The following DRGX variants were observed in gnomAD, a reference collection of about 807,000 sequenced individuals.
DRGX encodes the protein dorsal root ganglia homeobox protein.
In DRGX, 21 loss-of-function variants were observed where a neutral mutation model predicts 28.6. The ratio of observed to expected loss-of-function variants is 0.73; its 90% CI spans 0.52 to 1.06. DRGX has a LOEUF of 1.06. DRGX is among the 50% of genes least tolerant of loss of function. The probability of loss-of-function intolerance (pLI) is 0.00; values close to 1 mark genes in which losing one functional copy is unlikely to be tolerated. For missense variants in DRGX, 354 were observed against 343.9 expected (o/e 1.03, Z -0.23); for synonymous variants, 136 against 139.1 (o/e 0.98, Z 0.16).
intron 2 of DRGX, among the ~76,000 whole-genome samples, chr10:49,392,800 A>T (rs1849924510): frequency 6.6e-6 from 1 of 152,262 alleles, no homozygotes; most frequent in African/African-American, 2.4e-5. Context: ...TTACTTAAAA[A>T]TAAGTAGAAT....
intron 6 of DRGX, among the ~76,000 whole-genome samples, chr10:49,377,450 G>A (rs1473803277): frequency 2.0e-5 from 3 of 152,228 alleles, no homozygotes; most frequent in Non-Finnish European, 4.4e-5. Flanking sequence ...TCACACCCAC[G>A]TGCAGTCCCC....
chr10:49,378,201 T>C (rs1849736110), intron 6 of DRGX, among the ~76,000 whole-genome samples: 1 of 152,032 alleles, frequency 6.6e-6, no homozygotes, highest in South Asian at 2.1e-4. Context: ...AAGATAAAAT[T>C]CTTAGAAAAC....
chr10:49,395,704 G>C (rs1480105900), intron 1 of DRGX, among the ~76,000 whole-genome samples, 183 bp from the exon 2 acceptor site: 2 of 152,316 alleles, frequency 1.3e-5, no homozygotes, highest in East Asian at 3.9e-4. Context: ...AGTCCTTCGG[G>C]TGTGTCCACC....
chr10:49,390,299 A>G, intron 3 of DRGX, 65 bp from the exon 4 acceptor site: 1 of 1,374,862 alleles, frequency 7.3e-7, no homozygotes, highest in Non-Finnish European at 1.0e-6. Flanking sequence ...GCAGATGCAT[A>G]TTTCAAATCT....
At chr10:49,390,460 A>C (rs900172860) in intron 3 of DRGX, among the ~76,000 whole-genome samples, 4 of 152,234 alleles carry the variant, frequency 2.6e-5, no homozygotes, top group African/African-American at 9.6e-5. Flanking sequence ...TCTGGCAAGA[A>C]GTAGAAATAA....
chr10:49,393,313 T>A (rs1849930163), intron 2 of DRGX, among the ~76,000 whole-genome samples: 1 of 152,186 alleles, frequency 6.6e-6, no homozygotes, highest in Non-Finnish European at 1.5e-5. Context: ...TCAGTGCAAA[T>A]AAGGCAAAAC....
rs1384783835 is a variant in DRGX at position 49,386,562 on chromosome 10, G to T, written c.442C>A (p.Pro148Thr). ...CCCGGCAAGCAGGAGGGGAAGAAAG[G>T]CCCTGCAGGACCTACCGTTCGCCCC... ...SLGRTVGPAG[P>T]FFPSCLPGTL... The change falls in exon 6 of 7, where the codon CCT becomes ACT. Residue 148 changes from proline (P) to threonine (T), a missense_variant. Physicochemically the swap from Pro to Thr is conservative, Grantham distance 38 (BLOSUM62 -1). Coordinates refer to ENST00000374139, the MANE Select transcript of DRGX (RefSeq NM_001276451.2). 6.3e-7 allele frequency: 1 copy of T among 1,591,120 alleles called. No homozygotes were observed. The highest frequency in any genetic ancestry group is 8.6e-7 in the Non-Finnish European group (1 of 1,168,740).
At position 49,386,489 on chromosome 10, in the gene DRGX, G is replaced by A. The variant is rs1849837877; in HGVS notation, c.515C>T (p.Ala172Val). The A allele has an allele frequency of 3.8e-6, 6 of 1,572,398 alleles. No homozygotes were observed. The highest frequency in any genetic ancestry group is 4.3e-6 in the Non-Finnish European group (5 of 1,159,976). The part of the protein sequence containing the change: ...ATYAQALSHV[A>V]SLKGGPLCSC... ...GAACCCAAACTCACCTTTGAGGGAA[G>A]CCACATGGGACAAGGCCTGGGCGTA... Residue 172 changes from alanine (A) to valine (V), a missense_variant, in exon 6 of 7, where the codon GCT becomes GTT. Physicochemically the swap from Ala to Val is moderately conservative, Grantham distance 64 (BLOSUM62 0). Transcript: ENST00000374139.
At position 49,390,200 on chromosome 10, in the gene DRGX, T is replaced by G. The variant is rs1269677181; in HGVS notation, c.167A>C (p.His56Pro). ...TTCTCTGGTGAAGACATCTGGATAG[T>G]GTGTTTGGGCAAAAACGGCCTCGAG... ...EALEAVFAQT[H>P]YPDVFTREEL... Residue 56 changes from histidine to proline, a missense_variant, in exon 4 of 7, where the codon CAC (histidine) becomes CCC (proline). By Grantham distance (77) the His-to-Pro change is moderately conservative. Coordinates refer to ENST00000374139, the MANE Select transcript of DRGX (RefSeq NM_001276451.2). 6.2e-7 allele frequency: 1 copy of G among 1,612,778 alleles called. No individual in the cohort carries two copies. Among genetic ancestry groups the G allele is most frequent in the Non-Finnish European group, 8.5e-7 (1 of 1,179,430 alleles).
chr10:49,382,977 G>T (rs955510937), intron 6 of DRGX, among the ~76,000 whole-genome samples: 1 of 152,132 alleles, frequency 6.6e-6, no homozygotes, highest in Non-Finnish European at 1.5e-5. Flanking sequence ...TGACTATGCC[G>T]CAAGCACACA....
chr10:49,365,855 TCA>T lies in DRGX; in HGVS notation c.*259_*260del, dbSNP rs1849592024. The stretch of plus-strand genomic sequence containing the variant: ...TGGATGGAAATCCCAGGGAGGCTCC[TCA>T]CAGAGAGGGCTCTGCTGCCACCAAG... On this transcript the variant is annotated 3_prime_UTR_variant, in exon 7 of 7. Coordinates refer to ENST00000374139, the MANE Select transcript of DRGX (RefSeq NM_001276451.2). 1 of 358,176 alleles carries T rather than the reference TCA, an allele frequency of 2.8e-6. No homozygotes were observed. Among genetic ancestry groups the T allele is most frequent in the African/African-American group, 2.1e-5 (1 of 47,658 alleles). The allele number at this position is 358,176 out of a possible 1,614,324, so 22.2% of individuals were successfully genotyped here.
chr10:49,395,529 G>A lies in DRGX; in HGVS notation c.-81-8C>T. 4 of 1,445,728 alleles carry A rather than the reference G, an allele frequency of 2.8e-6. No individual in the cohort carries two copies. Among genetic ancestry groups the A allele is most frequent in the South Asian group, 1.2e-5 (1 of 82,068 alleles). The allele number at this position is 1,445,728 out of a possible 1,614,324, so 89.6% of individuals were successfully genotyped here. The stretch of plus-strand genomic sequence containing the variant: ...CGCGTTGCTCCTGCCTGGCTGCAAA[G>A]CAAACAGCGATAGAGCTTCAAGTCT... On this transcript the variant is annotated splice_region_variant and splice_polypyrimidine_tract_variant and intron_variant, in intron 1 of 6. Coordinates refer to ENST00000374139, the MANE Select transcript of DRGX (RefSeq NM_001276451.2).
rs1238824690 is a variant in DRGX at position 49,391,189 on chromosome 10, T to C, written c.107A>G (p.Asn36Ser). The C allele has an allele frequency of 6.2e-7, 1 of 1,613,342 alleles. No homozygotes were observed. Among genetic ancestry groups the C allele is most frequent in the Admixed American group, 1.7e-5 (1 of 59,962 alleles). The change falls in exon 3 of 7, where the codon AAC (asparagine) becomes AGC (serine). Residue 36 changes from asparagine to serine, a missense_variant. By Grantham distance (46) the Asn-to-Ser change is conservative (BLOSUM62 1). Transcript: ENST00000374139. The stretch of plus-strand genomic sequence containing the variant: ...CTGCTGAAGAGTGAACGTCGTCCGG[T>C]TCCGGCGCTGTTTTCTACGCAGAAA... ...DGFLRRKQRR[N>S]RTTFTLQQLE...
Position 49,386,566 on chromosome 10 carries a change from T to C in DRGX, c.438A>G (p.Ala146=). The change falls in exon 6 of 7, where the codon GCA becomes GCG. Residue 146 remains alanine, a synonymous_variant. Transcript: ENST00000374139. The part of the protein sequence containing the change: ...QQSLGRTVGP[A]GPFFPSCLPG... ...GCAAGCAGGAGGGGAAGAAAGGCCC[T>C]GCAGGACCTACCGTTCGCCCCAGGC... The C allele has an allele frequency of 6.3e-7, 1 of 1,591,656 alleles. No homozygotes were observed. Among genetic ancestry groups the C allele is most frequent in the Non-Finnish European group, 8.6e-7 (1 of 1,169,072 alleles).
intron 3 of DRGX, among the ~76,000 whole-genome samples, chr10:49,390,542 C>T (rs1254735099): frequency 6.6e-6 from 1 of 152,246 alleles, no homozygotes; most frequent in Middle Eastern, 3.4e-3. Context: ...CTAACAGTCA[C>T]CTTATGAACT....
intron 2 of DRGX, among the ~76,000 whole-genome samples, chr10:49,394,752 A>G (rs942880550): frequency 1.3e-5 from 2 of 152,220 alleles, no homozygotes; most frequent in Non-Finnish European, 1.5e-5. Flanking sequence ...GAGACACTCA[A>G]AGATGGAAAT....
intron 4 of DRGX, among the ~76,000 whole-genome samples, chr10:49,388,125 G>T (rs1377892858): frequency 6.6e-6 from 1 of 152,210 alleles, no homozygotes; most frequent in Non-Finnish European, 1.5e-5. Context: ...AGAGGTAGGT[G>T]CAGGGTTCTT....
intron 6 of DRGX, among the ~76,000 whole-genome samples, chr10:49,382,442 A>C (rs1467203192): frequency 6.6e-6 from 1 of 152,240 alleles, no homozygotes; most frequent in African/African-American, 2.4e-5. Flanking sequence ...GAACTAGTTC[A>C]GCCAACAGCT....
At chr10:49,378,595 T>G (rs775275904) in intron 6 of DRGX, among the ~76,000 whole-genome samples, 9 of 152,236 alleles carry the variant, frequency 5.9e-5, no homozygotes, top group Non-Finnish European at 1.3e-4. Flanking sequence ...TTAAAAACAT[T>G]AGAATAAGGC....
Sources: allele counts gnomAD v4.1 joint callset (sites outside exome capture counted in the v4.1 genomes callset), GRCh38; gene constraint gnomAD v4.1.1; transcripts MANE v1.5; gene names NCBI Gene and HGNC (gene_info 2026-07-23, HGNC 2026-07-21).